Variants in WWOX observed in about 807,000 individuals in gnomAD.
The protein encoded by WWOX is WW domain containing oxidoreductase.
Under a neutral mutation model 46.2 loss-of-function variants are expected in WWOX, and 69 were observed. The ratio of observed to expected loss-of-function variants is 1.49; its 90% CI spans 1.23 to 1.82. The LOEUF is 1.82. Ranked by LOEUF, WWOX falls within the 40% of genes most tolerant of loss-of-function variation. The pLI, the probability that WWOX is intolerant of heterozygous loss-of-function variation, is 0.00. For missense variants in WWOX, 919 were observed against 542.6 expected (o/e 1.69, Z -6.89); for synonymous variants, 359 against 202.6 (o/e 1.77, Z -6.56).
chr16:78,188,896 T>C (rs1010755657), intron 5 of WWOX, among the ~76,000 whole-genome samples: 2 of 152,064 alleles, frequency 1.3e-5, no homozygotes, highest in African/African-American at 4.8e-5. Flanking sequence ...ACAGAAAAGA[T>C]TGGTGAAGAT....
chr16:78,219,487 A>G (rs1355459336), intron 5 of WWOX, among the ~76,000 whole-genome samples: 1 of 152,192 alleles, frequency 6.6e-6, no homozygotes, highest in Non-Finnish European at 1.5e-5. Flanking sequence ...ACTCTCCCAG[A>G]CATTTTTCTC....
chr16:78,901,561 C>G (rs892836670), intron 8 of WWOX, among the ~76,000 whole-genome samples: 3 of 152,168 alleles, frequency 2.0e-5, no homozygotes, highest in African/African-American at 7.2e-5. Flanking sequence ...GATCTTGGTT[C>G]ACTGCAGCCT....
At chr16:79,009,297 G>T (rs2047255741) in intron 8 of WWOX, among the ~76,000 whole-genome samples, 1 of 152,158 alleles carries the variant, frequency 6.6e-6, no homozygotes, top group Non-Finnish European at 1.5e-5. Context: ...GAATGAAGGG[G>T]CGCTTTCTGG....
intron 8 of WWOX, among the ~76,000 whole-genome samples, chr16:79,023,814 G>C (rs1027183145): frequency 6.7e-6 from 1 of 148,986 alleles, no homozygotes; most frequent in South Asian, 2.1e-4. Flanking sequence ...AAATTAGCCA[G>C]ACATGGTGGT....
intron 5 of WWOX, among the ~76,000 whole-genome samples, chr16:78,189,494 T>C (rs978010139): frequency 5.3e-5 from 8 of 152,206 alleles, no homozygotes; most frequent in Non-Finnish European, 1.5e-5. Flanking sequence ...CAGAGACAAC[T>C]GAAGACAGTT....
intron 8 of WWOX, among the ~76,000 whole-genome samples, chr16:78,689,754 C>G (rs1018067149): frequency 6.6e-6 from 1 of 152,112 alleles, no homozygotes; most frequent in African/African-American, 2.4e-5. Context: ...GGAGTTGAGC[C>G]CTATCTCTCT....
At chr16:78,745,951 C>T (rs747703406) in intron 8 of WWOX, among the ~76,000 whole-genome samples, 1 of 152,162 alleles carries the variant, frequency 6.6e-6, no homozygotes, top group Non-Finnish European at 1.5e-5. Flanking sequence ...CCAGCCCTGA[C>T]TCCAGCTGCT....
At chr16:78,642,698 G>T (rs1338418034) in intron 8 of WWOX, among the ~76,000 whole-genome samples, 2 of 152,042 alleles carry the variant, frequency 1.3e-5, no homozygotes, top group South Asian at 4.2e-4. Context: ...CACCTCGACC[G>T]CTATGGTATT....
At chr16:78,313,430 G>T (rs181863797) in intron 5 of WWOX, among the ~76,000 whole-genome samples, 337 of 152,274 alleles carry the variant, frequency 2.2e-3, no homozygotes, top group African/African-American at 7.8e-3. Context: ...ACAGTGGTAC[G>T]ATCTTAGCTC....
At chr16:78,295,547 A>C (rs1410764184) in intron 5 of WWOX, among the ~76,000 whole-genome samples, 1 of 152,158 alleles carries the variant, frequency 6.6e-6, no homozygotes, top group Admixed American at 6.5e-5. Flanking sequence ...CCCTGTCTCT[A>C]CTAAAATACA....
intron 8 of WWOX, among the ~76,000 whole-genome samples, chr16:78,861,686 TATAA>T (rs2043888717): frequency 6.6e-6 from 1 of 152,222 alleles, no homozygotes; most frequent in African/African-American, 2.4e-5. Flanking sequence ...CTCTAAATAT[TATAA>T]ATGTCATCTT....
chr16:78,225,910 C>G (rs143810221), intron 5 of WWOX, among the ~76,000 whole-genome samples: 3 of 152,230 alleles, frequency 2.0e-5, no homozygotes, highest in African/African-American at 7.2e-5. Context: ...TATTCTACAT[C>G]TAAATAGTGC....
At chr16:78,994,379 G>C (rs1195810378) in intron 8 of WWOX, 4 of 152,154 alleles carry the variant, frequency 2.6e-5, no homozygotes, top group African/African-American at 9.7e-5. Context: ...GAAGGAGATA[G>C]GACGACACTT....
chr16:78,987,973 A>G (rs1350447071), intron 8 of WWOX, among the ~76,000 whole-genome samples: 2 of 152,026 alleles, frequency 1.3e-5, no homozygotes, highest in Non-Finnish European at 2.9e-5. Flanking sequence ...CAAATTGAGT[A>G]ATTTCAAGAA....
chr16:78,334,812 A>G (rs565831466), intron 5 of WWOX, among the ~76,000 whole-genome samples: 26,017 of 100,394 alleles, frequency 0.26, 2,736 homozygotes, highest in African/African-American at 0.39. Context: ...ACACACGCAC[A>G]CACACACACA....
chr16:78,793,226 A>G (rs9936541), intron 8 of WWOX, among the ~76,000 whole-genome samples: 1 of 151,778 alleles, frequency 6.6e-6, no homozygotes, highest in African/African-American at 2.4e-5. Flanking sequence ...TGCCCAGCTA[A>G]TTTTTATATT....
chr16:78,419,124 C>A (rs143536262), intron 6 of WWOX, among the ~76,000 whole-genome samples: 20 of 152,180 alleles, frequency 1.3e-4, no homozygotes, highest in African/African-American at 4.6e-4. Flanking sequence ...GTTTAATATG[C>A]GTAAGTCAAT....
intron 8 of WWOX, among the ~76,000 whole-genome samples, chr16:78,437,366 G>A (rs995237006): frequency 6.6e-6 from 1 of 152,126 alleles, no homozygotes. Context: ...ATGTTCTTGT[G>A]CAACTTTATT....
intron 8 of WWOX, among the ~76,000 whole-genome samples, chr16:79,068,938 T>G (rs1286805215): frequency 6.6e-6 from 1 of 151,994 alleles, no homozygotes; most frequent in African/African-American, 2.4e-5. Context: ...CTTAACCGAT[T>G]CCCAGCCAAA....
Sources: gnomAD v4.1 joint callset for allele counts (sites outside exome capture counted in the v4.1 genomes callset) on GRCh38, gnomAD v4.1.1 for gene constraint, MANE v1.5 for transcripts, NCBI Gene and HGNC (gene_info 2026-07-23, HGNC 2026-07-21) for gene names.